Variants in CNTNAP3B observed in about 807,000 individuals in gnomAD.
CNTNAP3B encodes the protein contactin-associated protein-like 3B.
CNTNAP3B carries 25 observed loss-of-function variants against 108.9 expected under a neutral mutation model. That is an observed-to-expected ratio of 0.23 (90% CI 0.17 to 0.32). The LOEUF is 0.32. Among genes scored for constraint, CNTNAP3B ranks in the 10% least tolerant of loss-of-function variants. CNTNAP3B has a pLI of 1.00. For synonymous variants in CNTNAP3B, 103 were observed against 473.4 expected, an observed-to-expected ratio of 0.22 and a Z score of 10.16; for missense variants, 252 against 1,210.4, an observed-to-expected ratio of 0.21 and a Z score of 11.75.
chr9:42,059,989 G>A (rs1317109305), intron 3 of CNTNAP3B, among the ~76,000 whole-genome samples: 28 of 151,134 alleles, frequency 1.9e-4, no homozygotes, highest in African/African-American at 6.6e-4. Context: ...TTTAAATTCT[G>A]TTTTCTTCAA....
At chr9:41,916,706 T>G (rs1823526636) in intron 18 of CNTNAP3B, among the ~76,000 whole-genome samples, 1 of 145,580 alleles carries the variant, frequency 6.9e-6, no homozygotes, top group Admixed American at 6.9e-5. Context: ...TATCATTTCT[T>G]TTTGTTAGGA....
Position 42,058,149 on chromosome 9 carries a change from A to C in CNTNAP3B, c.390+18720T>G, listed in dbSNP as rs1460172020. ...CTTCAGTTGATTCCAAATCTTGGCT[A>C]TTATGAATAATACTGCAATGAACAT... On this transcript the variant is annotated intron_variant, in intron 3 of 23. Transcript: ENST00000377561. Among the ~76,000 whole-genome samples, 6 of 144,318 alleles carry C rather than the reference A, an allele frequency of 4.2e-5. No individual in the cohort carries two copies. In the East Asian group the frequency reaches 1.0e-3, roughly 25 times the overall value. The allele number at this position is 144,318 out of a possible 152,430, so 94.7% of individuals were successfully genotyped here.
intron 3 of CNTNAP3B, among the ~76,000 whole-genome samples, chr9:42,046,194 A>G (rs1826871907): frequency 9.0e-6 from 1 of 111,500 alleles, no homozygotes; most frequent in African/African-American, 3.9e-5. Context: ...CTTTCTGTCC[A>G]CATGTCACCT....
At chr9:41,941,438 A>G (rs1280134074) in intron 13 of CNTNAP3B, among the ~76,000 whole-genome samples, 2 of 151,224 alleles carry the variant, frequency 1.3e-5, no homozygotes, top group Non-Finnish European at 2.9e-5. Flanking sequence ...AAAATACTAG[A>G]ACAGGGACAT....
intron 10 of CNTNAP3B, among the ~76,000 whole-genome samples, chr9:41,967,937 A>C (rs1825330104): frequency 1.3e-5 from 2 of 152,236 alleles, no homozygotes; most frequent in Admixed American, 6.5e-5. Flanking sequence ...TTAGTTGAGC[A>C]TGTTTACAAG....
chr9:42,028,883 TTG>T (rs1346084754), intron 3 of CNTNAP3B, among the ~76,000 whole-genome samples: 2 of 151,860 alleles, frequency 1.3e-5, no homozygotes, highest in African/African-American at 2.4e-5. Flanking sequence ...CTCCACCAAA[TTG>T]TGTTTTCAAG....
intron 14 of CNTNAP3B, among the ~76,000 whole-genome samples, chr9:41,937,102 T>TTTG (rs1824180984): frequency 2.6e-4 from 33 of 128,034 alleles, no homozygotes; most frequent in Non-Finnish European, 4.2e-4. Context: ...CATTACATTT[T>TTTG]TTATTTATTA....
At chr9:41,961,654 C>T (rs1340532906) in intron 11 of CNTNAP3B, among the ~76,000 whole-genome samples, 2 of 152,292 alleles carry the variant, frequency 1.3e-5, no homozygotes, top group East Asian at 3.8e-4. Flanking sequence ...AATTTATAAG[C>T]TATCAACTTC....
chr9:41,929,789 T>C (rs1413988675), intron 14 of CNTNAP3B, among the ~76,000 whole-genome samples: 1 of 146,244 alleles, frequency 6.8e-6, no homozygotes, highest in Non-Finnish European at 1.5e-5. Context: ...TTATATGACA[T>C]GAAATATTCT....
intron 3 of CNTNAP3B, among the ~76,000 whole-genome samples, chr9:42,030,750 C>CAGAGAGACAGAGAGAGAGAGAGAG (rs1335836899): frequency 1.7e-5 from 1 of 60,404 alleles, no homozygotes; most frequent in African/African-American, 7.7e-5. Flanking sequence ...GAAAGAGATA[C>CAGAGAGACAGAGAGAGAGAGAGAG]AGAGAGAGAG....
intron 3 of CNTNAP3B, among the ~76,000 whole-genome samples, chr9:42,055,554 TGG>T (rs2118554080): frequency 7.4e-6 from 1 of 134,968 alleles, no homozygotes; most frequent in Admixed American, 7.6e-5. Context: ...ACTATGACTG[TGG>T]GATAAATTCC....
intron 13 of CNTNAP3B, among the ~76,000 whole-genome samples, chr9:41,950,967 G>A (rs528343121): frequency 6.5e-3 from 913 of 139,766 alleles, no homozygotes; most frequent in African/African-American, 0.024. Flanking sequence ...GTGTTAGCCA[G>A]GATGGTCTGA....
chr9:42,010,500 T>C (rs1826114163), intron 4 of CNTNAP3B, among the ~76,000 whole-genome samples: 2 of 137,886 alleles, frequency 1.5e-5, no homozygotes, highest in Non-Finnish European at 3.1e-5. Flanking sequence ...TTCCCCTTTG[T>C]TCTTGAGAGA....
intron 13 of CNTNAP3B, among the ~76,000 whole-genome samples, chr9:41,942,869 A>G (rs1375309828): frequency 6.6e-6 from 1 of 152,202 alleles, no homozygotes; most frequent in Non-Finnish European, 1.5e-5. Flanking sequence ...ATTCAGCCTA[A>G]CTACTAACCA....
intron 14 of CNTNAP3B, among the ~76,000 whole-genome samples, chr9:41,935,078 A>G (rs1239233417): frequency 6.6e-6 from 1 of 152,280 alleles, no homozygotes. Flanking sequence ...AACATAGTCC[A>G]CTATACATTT....
chr9:41,915,841 G>C (rs1823502941), intron 18 of CNTNAP3B, among the ~76,000 whole-genome samples: 1 of 150,870 alleles, frequency 6.6e-6, no homozygotes, highest in Non-Finnish European at 1.5e-5. Context: ...AATCCTACTA[G>C]GTTTTGGTAT....
At position 42,077,653 on chromosome 9, in the gene CNTNAP3B, AG is replaced by A. The variant is rs1339386410; in HGVS notation, c.197-592del. Among the ~76,000 whole-genome samples, 2 of 131,086 alleles carry A rather than the reference AG, an allele frequency of 1.5e-5. 1 individual carries two copies. The highest frequency in any genetic ancestry group is 6.2e-5 in the African/African-American group (2 of 32,252). The allele number at this position is 131,086 out of a possible 152,430, so 86.0% of individuals were successfully genotyped here. A position where few individuals can be genotyped will look rare whatever the true frequency, so the allele number is the denominator to read the frequency against. ...GAGATATTGGTTAAAAAATACAAAA[AG>A]GTATGGAGTAGCAAATGGTCAAGGT... is the stretch of plus-strand genomic sequence containing the variant. On this transcript the variant is annotated intron_variant, in intron 2 of 23. Transcript: ENST00000377561.
At position 41,921,115 on chromosome 9, in the gene CNTNAP3B, G is replaced by A. The variant is rs1248551188; in HGVS notation, c.2756-806C>T. Among the ~76,000 whole-genome samples, 6 of 152,298 alleles carry A rather than the reference G, an allele frequency of 3.9e-5. No individual in the cohort carries two copies. In the East Asian group the frequency reaches 9.6e-4, roughly 24 times the overall value. The stretch of plus-strand genomic sequence containing the variant: ...CCAATTCGGTGGGCCTAAGGTGGGG[G>A]CCCCAAATCTGAACTATCAATCAGC... On this transcript the variant is annotated intron_variant, in intron 17 of 23. Transcript: ENST00000377561.
At chr9:41,934,827 GTATT>G (rs1824105453) in intron 14 of CNTNAP3B, among the ~76,000 whole-genome samples, 1 of 152,236 alleles carries the variant, frequency 6.6e-6, no homozygotes, top group African/African-American at 2.4e-5. Flanking sequence ...GAGTTTACTC[GTATT>G]TATTATGATT....
Sources: allele counts gnomAD v4.1 joint callset (sites outside exome capture counted in the v4.1 genomes callset), GRCh38; gene constraint gnomAD v4.1.1; transcripts MANE v1.5; gene names NCBI Gene and HGNC (gene_info 2026-07-23, HGNC 2026-07-21).